DET1: variants seen among roughly 807,000 people sequenced by gnomAD.
DET1 encodes DET1 homolog.
In DET1, 22 loss-of-function variants were observed where a neutral mutation model predicts 43.7. The observed-to-expected ratio is 0.50, with a 90% CI of 0.36 to 0.72. The LOEUF is 0.72. Ranked by LOEUF, DET1 falls within the 30% of genes least tolerant of loss-of-function variation. DET1 has a pLI of 0.00. For missense variants in DET1, 713 were observed against 713.3 expected (o/e 1.00, Z 0.00); for synonymous variants, 315 against 266.2 (o/e 1.18, Z -1.79).
intron 3 of DET1, among the ~76,000 whole-genome samples, chr15:88,519,781 T>A (rs113014295): frequency 3.9e-5 from 6 of 152,322 alleles, no homozygotes; most frequent in African/African-American, 1.4e-4. Flanking sequence ...GTTTTCTCCA[T>A]GGCTGTAGAA....
At chr15:88,539,445 G>A (rs890084047) in intron 1 of DET1, among the ~76,000 whole-genome samples, 6 of 75,092 alleles carry the variant, frequency 8.0e-5, no homozygotes, top group Admixed American at 3.5e-4. Context: ...CCCCTTGTCT[G>A]TCTAAAAAAA....
intron 3 of DET1, among the ~76,000 whole-genome samples, chr15:88,525,587 A>T (rs1052360725): frequency 2.0e-5 from 3 of 152,190 alleles, no homozygotes; most frequent in Non-Finnish European, 4.4e-5. Context: ...ATAACAGACA[A>T]AATCCCTGCC....
At chr15:88,515,657 G>A in intron 4 of DET1, among the ~76,000 whole-genome samples, 1 of 151,416 alleles carries the variant, frequency 6.6e-6, no homozygotes, top group Non-Finnish European at 1.5e-5. Flanking sequence ...AAGACAACAG[G>A]GATACATAAA....
At position 88,530,866 on chromosome 15, in the gene DET1, C is replaced by A. The variant is rs1200941887; in HGVS notation, c.840G>T (p.Gln280His). ...CCCTAAAGGGATTGGCCATGCCTGT[C>A]TGACTGTCCCGCTGTACCTCAGGGA... The part of the protein sequence containing the change: ...AVFPEVQRDS[Q>H]TGMANPFRDP... Residue 280 changes from glutamine (Q) to histidine (H), a missense_variant, in exon 2 of 5, where the codon CAG (glutamine) becomes CAT (histidine). Coordinates refer to ENST00000268148, the MANE Select transcript of DET1 (RefSeq NM_001144074.3). 1 of 1,613,998 alleles carries A rather than the reference C, an allele frequency of 6.2e-7. No homozygotes were observed.
At chr15:88,513,450 G>C (rs1438776617) in intron 4 of DET1, among the ~76,000 whole-genome samples, 6 of 151,936 alleles carry the variant, frequency 3.9e-5, no homozygotes, top group Admixed American at 3.3e-4. Flanking sequence ...CCTCAAGGTT[G>C]TCTAGGCCAG....
chr15:88,542,783 C>A (rs897692694), intron 1 of DET1, among the ~76,000 whole-genome samples: 2 of 152,092 alleles, frequency 1.3e-5, no homozygotes, highest in Non-Finnish European at 2.9e-5. Context: ...GGCCAAGGAA[C>A]CTTGGGTTCC....
chr15:88,532,917 G>A (rs572005388), intron 1 of DET1, among the ~76,000 whole-genome samples: 6 of 152,212 alleles, frequency 3.9e-5, no homozygotes, highest in East Asian at 1.9e-4. Context: ...AGGCATAGGC[G>A]ACCAAGACAA....
At chr15:88,539,321 T>A (rs1462949045) in intron 1 of DET1, among the ~76,000 whole-genome samples, 1 of 151,914 alleles carries the variant, frequency 6.6e-6, no homozygotes, top group East Asian at 1.9e-4. Flanking sequence ...GCATCGGACA[T>A]AGCTCGATCC....
intron 3 of DET1, among the ~76,000 whole-genome samples, chr15:88,524,128 G>A (rs1163819649): frequency 3.2e-4 from 49 of 150,888 alleles, no homozygotes; most frequent in African/African-American, 9.0e-4. Flanking sequence ...CTGCCCGGCC[G>A]CCCCGTCGGG....
At chr15:88,507,694 C>A (rs11634095), downstream of DET1, among the ~76,000 whole-genome samples, 22,796 of 152,168 alleles carry the variant, frequency 0.15, 1,818 homozygotes, top group South Asian at 0.29. Context: ...AACATGTATC[C>A]CACATTTCCA....
intron 2 of DET1, 115 bp from the exon 3 acceptor site, chr15:88,527,901 A>G: frequency 1.8e-6 from 1 of 568,812 alleles, no homozygotes; most frequent in East Asian, 3.4e-5. Flanking sequence ...AAAAACAACA[A>G]CAACAACAAC....
chr15:88,529,453 T>C (rs999898691), intron 2 of DET1, among the ~76,000 whole-genome samples: 2 of 152,140 alleles, frequency 1.3e-5, no homozygotes, highest in African/African-American at 4.8e-5. Context: ...GCTCAATGGG[T>C]GACTTCATCA....
At chr15:88,546,405 G>A (rs1169526805) in intron 1 of DET1, 135 bp downstream of exon 1, 2 of 152,332 alleles carry the variant, frequency 1.3e-5, no homozygotes, top group Non-Finnish European at 2.9e-5. Context: ...GCCTGGGGCG[G>A]GGCCTCAAAG....
rs1054909643 is a variant in DET1, at chr15:88,504,537, G to C, written c.*2066-550C>G. On this transcript the variant is annotated intron_variant and NMD_transcript_variant, in intron 7 of 8. Coordinates refer to the DET1 transcript ENST00000557842. The surrounding 1 kb of genome is among the most constrained non-coding windows in gnomAD (Gnocchi z 4.7). Reference sequence around the variant, plus strand: ...TTGTTTTCTGATGACTTGACATCTTGGGGCTGTACTGACCCTGGACTGCCC... The same window carrying C: ...TTGTTTTCTGATGACTTGACATCTTCGGGCTGTACTGACCCTGGACTGCCC... The C allele has an allele frequency of 2.0e-5, 3 of 152,026 alleles. No homozygotes were observed. The highest frequency in any genetic ancestry group is 4.4e-5 in the Non-Finnish European group (3 of 68,020). 9.4% of individuals were successfully genotyped at this position (152,026 alleles called of 1,614,324 possible).
chr15:88,518,305 A>G (rs796546555), intron 3 of DET1, among the ~76,000 whole-genome samples: 26 of 152,300 alleles, frequency 1.7e-4, no homozygotes, highest in African/African-American at 6.3e-4. Flanking sequence ...ACCCTAAGGA[A>G]TCACTCCTAC....
chr15:88,525,172 A>G (rs2056628285), intron 3 of DET1, among the ~76,000 whole-genome samples: 1 of 152,204 alleles, frequency 6.6e-6, no homozygotes, highest in African/African-American at 2.4e-5. Context: ...TACTACGGTA[A>G]TTAGCATCCT....
chr15:88,507,042 C>CA (rs923960544), intron 7 of DET1, among the ~76,000 whole-genome samples: 2 of 152,096 alleles, frequency 1.3e-5, no homozygotes, highest in Non-Finnish European at 2.9e-5. Flanking sequence ...AACTAATATA[C>CA]AAAAAAACAA....
At position 88,504,064 on chromosome 15, in the gene DET1, G is replaced by C. The variant is rs1053026279; in HGVS notation, c.*2066-77C>G. ...CAATAATCTGGGAGTGGCTTAGCTGGGCAGTTCTGGCTCAGAGTTTCTCAT... is the reference window on the plus strand; with the variant it reads ...CAATAATCTGGGAGTGGCTTAGCTGCGCAGTTCTGGCTCAGAGTTTCTCAT... On this transcript the variant is annotated intron_variant and NMD_transcript_variant, in intron 7 of 8. Coordinates refer to the DET1 transcript ENST00000557842. The surrounding 1 kb of genome is among the most constrained non-coding windows in gnomAD (Gnocchi z 4.7). The C allele has an allele frequency of 2.6e-5, 4 of 152,118 alleles. No homozygotes were observed. The highest frequency in any genetic ancestry group is 9.7e-5 in the African/African-American group (4 of 41,418). 9.4% of individuals were successfully genotyped at this position (152,118 alleles called of 1,614,324 possible). A position where few individuals can be genotyped will look rare whatever the true frequency, so the allele number is the denominator to read the frequency against.
rs150148944 is a variant in DET1 at position 88,530,792 on chromosome 15, C to T, written c.914G>A (p.Arg305His). The T allele has an allele frequency of 5.5e-5, 88 of 1,613,920 alleles. No individual in the cohort carries two copies. Among genetic ancestry groups the T allele is most frequent in the Admixed American group, 1.3e-4 (8 of 60,008 alleles). The change falls in exon 2 of 5, where the codon CGC (arginine) becomes CAC (histidine). Residue 305 changes from arginine to histidine, a missense_variant. Transcript: ENST00000268148. The stretch of plus-strand genomic sequence containing the variant: ...TGCACTACCATCCTGTTCTGCCCGG[C>T]GCCACAAATATACCAGCAACCGGTG... ...LKHRLLVYLW[R>H]RAEQDGSAMA...
Sources: allele counts gnomAD v4.1 joint callset (sites outside exome capture counted in the v4.1 genomes callset), GRCh38; gene constraint gnomAD v4.1.1; non-coding constraint Gnocchi (gnomAD v3.1); transcripts MANE v1.5; gene names NCBI Gene and HGNC (gene_info 2026-07-23, HGNC 2026-07-21).